Variants in ARHGAP28 observed in about 807,000 individuals in gnomAD.
ARHGAP28 encodes Rho GTPase activating protein 28.
In ARHGAP28, 56 loss-of-function variants were observed where a neutral mutation model predicts 90.7. The ratio of observed to expected loss-of-function variants is 0.62; its 90% CI spans 0.50 to 0.77. The LOEUF (loss-of-function observed/expected upper bound fraction) is 0.77, where lower values mean the gene tolerates loss of function less well. ARHGAP28 is among the 30% of genes least tolerant of loss of function. The probability of loss-of-function intolerance (pLI) is 0.00; values close to 1 mark genes in which losing one functional copy is unlikely to be tolerated. For synonymous variants in ARHGAP28, 308 were observed against 323.3 expected (o/e 0.95, Z 0.51); for missense variants, 869 against 900.9 (o/e 0.96, Z 0.45).
intron 1 of ARHGAP28, among the ~76,000 whole-genome samples, chr18:6,771,997 C>G (rs2056246721): frequency 6.6e-6 from 1 of 152,080 alleles, no homozygotes; most frequent in African/African-American, 2.4e-5. Context: ...CACATATACC[C>G]CATAAATATG....
intron 1 of ARHGAP28, among the ~76,000 whole-genome samples, chr18:6,798,017 A>T (rs2056454572): frequency 6.6e-6 from 1 of 152,208 alleles, no homozygotes; most frequent in South Asian, 2.1e-4. Context: ...AAAAGCATAA[A>T]TTTGAAAAGA....
At chr18:6,841,336 C>T (rs1238703564) in intron 3 of ARHGAP28, among the ~76,000 whole-genome samples, 1 of 148,934 alleles carries the variant, frequency 6.7e-6, no homozygotes, top group African/African-American at 2.5e-5. Context: ...TGAATAATTA[C>T]CTAAGATTTT....
intron 11 of ARHGAP28, among the ~76,000 whole-genome samples, chr18:6,882,929 G>A (rs911100993): frequency 5.3e-5 from 8 of 152,172 alleles, no homozygotes; most frequent in Middle Eastern, 3.2e-3. Context: ...GGCATGGTTT[G>A]AGCATAAAGG....
chr18:6,840,427 A>T (rs1228861926), intron 3 of ARHGAP28, among the ~76,000 whole-genome samples: 3 of 152,202 alleles, frequency 2.0e-5, no homozygotes. Flanking sequence ...TTGGACTTCT[A>T]GTAATGTAAA....
chr18:6,769,637 T>C (rs1227700377), intron 1 of ARHGAP28, among the ~76,000 whole-genome samples: 9 of 152,224 alleles, frequency 5.9e-5, no homozygotes, highest in Admixed American at 5.9e-4. Flanking sequence ...ATCATGCACC[T>C]ATGTTGTGCC....
At chr18:6,827,206 A>T (rs1392706742) in intron 2 of ARHGAP28, among the ~76,000 whole-genome samples, 1 of 151,820 alleles carries the variant, frequency 6.6e-6, no homozygotes, top group Non-Finnish European at 1.5e-5. Flanking sequence ...TGTTGAGTAC[A>T]CCTCCCAGAC....
At chr18:6,868,926 T>C (rs2567261) in intron 6 of ARHGAP28, among the ~76,000 whole-genome samples, 129,278 of 151,988 alleles carry the variant, frequency 0.85, 55,351 homozygotes, top group Non-Finnish European at 0.91. Flanking sequence ...ACACTTTAAA[T>C]GGGTGAATCG....
rs2057413139 is a variant in ARHGAP28 at position 6,914,330 on chromosome 18, T to C, written c.*2176T>C. ...GTCAGTAAGTATAATCACTCTAGTT[T>C]ATTCAAGGATGTGTGGCAACTTTCA... On this transcript the variant is annotated 3_prime_UTR_variant, in exon 18 of 18. Coordinates refer to ENST00000383472, the MANE Select transcript of ARHGAP28 (RefSeq NM_001366230.1). 1 of 152,186 alleles carries C rather than the reference T, an allele frequency of 6.6e-6. No individual in the cohort carries two copies. Among genetic ancestry groups the C allele is most frequent in the Non-Finnish European group, 1.5e-5 (1 of 68,026 alleles). The allele number at this position is 152,186 out of a possible 1,614,324, so 9.4% of individuals were successfully genotyped here.
At chr18:6,808,414 G>A (rs949583950) in intron 1 of ARHGAP28, among the ~76,000 whole-genome samples, 1 of 151,766 alleles carries the variant, frequency 6.6e-6, no homozygotes, top group Non-Finnish European at 1.5e-5. Flanking sequence ...TTTCTATTGA[G>A]ATTTTTCTTC....
At chr18:6,869,944 A>G (rs2057070156) in intron 6 of ARHGAP28, among the ~76,000 whole-genome samples, 1 of 152,202 alleles carries the variant, frequency 6.6e-6, no homozygotes, top group African/African-American at 2.4e-5. Context: ...TTAACTTTCA[A>G]ATTAGCTTGA....
At chr18:6,898,893 G>A (rs1402419757) in intron 16 of ARHGAP28, among the ~76,000 whole-genome samples, 2 of 151,608 alleles carry the variant, frequency 1.3e-5, no homozygotes, top group Non-Finnish European at 2.9e-5. Flanking sequence ...GGCAAAAGGG[G>A]GAAGAGGGTG....
chr18:6,736,975 T>C (rs2055934575), intron 1 of ARHGAP28, among the ~76,000 whole-genome samples: 3 of 152,172 alleles, frequency 2.0e-5, no homozygotes, highest in Non-Finnish European at 4.4e-5. Flanking sequence ...CTAATTTGCA[T>C]GTAATCAGAA....
In ARHGAP28 at chr18:6,914,802, A is replaced by T. The variant is rs2057414941; in HGVS notation, c.*2648A>T. 1 of 152,460 alleles carries T rather than the reference A, an allele frequency of 6.6e-6. No homozygotes were observed. The highest frequency in any genetic ancestry group is 1.5e-5 in the Non-Finnish European group (1 of 68,038). 9.4% of individuals were successfully genotyped at this position (152,460 alleles called of 1,614,324 possible). A position where few individuals can be genotyped will look rare whatever the true frequency, so the allele number is the denominator to read the frequency against. ...TAACATTTTAGGAATGCTTATTCAG[A>T]AAAAAATCCTAGAGTTGATTCATTG... On this transcript the variant is annotated 3_prime_UTR_variant, in exon 18 of 18. Transcript: ENST00000383472.
intron 1 of ARHGAP28, among the ~76,000 whole-genome samples, chr18:6,813,890 C>G (rs147226344): frequency 1.0e-3 from 156 of 152,266 alleles, no homozygotes; most frequent in Non-Finnish European, 1.3e-3. Context: ...GGATCTCCCT[C>G]TCAAACAGAG....
chr18:6,909,116 T>C, intron 17 of ARHGAP28, 92 bp downstream of exon 17: 2 of 795,484 alleles, frequency 2.5e-6, no homozygotes, highest in Non-Finnish European at 4.1e-6. Context: ...TTTTATGAAT[T>C]TCTCAGATAA....
chr18:6,821,896 C>G (rs1398492806), intron 1 of ARHGAP28, among the ~76,000 whole-genome samples: 1 of 152,160 alleles, frequency 6.6e-6, no homozygotes, highest in Non-Finnish European at 1.5e-5. Flanking sequence ...AATGTATCTT[C>G]CCCTTGTCTT....
At chr18:6,805,886 T>C (rs2056515405) in intron 1 of ARHGAP28, among the ~76,000 whole-genome samples, 1 of 151,942 alleles carries the variant, frequency 6.6e-6, no homozygotes, top group Admixed American at 6.6e-5. Flanking sequence ...ATATTTTTCC[T>C]TTTTTTAAAA....
chr18:6,760,074 G>C (rs1041769925), intron 1 of ARHGAP28, among the ~76,000 whole-genome samples: 4 of 152,104 alleles, frequency 2.6e-5, no homozygotes, highest in Non-Finnish European at 5.9e-5. Flanking sequence ...CTCTGTCATG[G>C]AATTATATCC....
At chr18:6,769,359 C>G (rs1226631957) in intron 1 of ARHGAP28, among the ~76,000 whole-genome samples, 2 of 152,192 alleles carry the variant, frequency 1.3e-5, no homozygotes, top group African/African-American at 4.8e-5. Flanking sequence ...AATTTCCTAA[C>G]TGGGGCTCCA....
Sources: gnomAD v4.1 joint callset for allele counts (sites outside exome capture counted in the v4.1 genomes callset) on GRCh38, gnomAD v4.1.1 for gene constraint, MANE v1.5 for transcripts, NCBI Gene and HGNC (gene_info 2026-07-23, HGNC 2026-07-21) for gene names.